The following PRKCSH variants were observed in gnomAD, a reference collection of about 807,000 sequenced individuals.
PRKCSH encodes the protein glucosidase 2 subunit beta.
A neutral mutation model predicts 79.7 loss-of-function variants in PRKCSH; 42 were observed. The ratio of observed to expected loss-of-function variants is 0.53; its 90% confidence interval spans 0.41 to 0.68. The LOEUF is 0.68. Ranked by LOEUF, PRKCSH falls within the 30% of genes least tolerant of loss-of-function variation. PRKCSH has a pLI of 0.00. For missense variants in PRKCSH, 686 were observed against 709.0 expected (o/e 0.97, Z 0.37); for synonymous variants, 325 against 288.2 (o/e 1.13, Z -1.29).
Position 11,436,416 on chromosome 19 carries a change from C to T in PRKCSH, c.107C>T (p.Pro36Leu), listed in dbSNP as rs144501546. The change falls in exon 3 of 18, where the codon CCT (proline) becomes CTT (leucine). Residue 36 changes from proline to leucine, a missense_variant. Pro to Leu is a moderately conservative substitution (Grantham distance 98). Around this residue, in one of 2 missense-constraint regions of PRKCSH, gnomAD observed 549 missense variants for 520.2 expected, o/e 1.06. Coordinates refer to ENST00000677123, the MANE Select transcript of PRKCSH (RefSeq NM_001289104.2). ...TNHHFYDESK[P>L]FTCLDGSATI... ...CATCACTTCTACGATGAGTCCAAGC[C>T]TTTCACCTGCCTGGACGGTTCGGCC... 18 of 1,614,094 alleles carry T rather than the reference C, an allele frequency of 1.1e-5. No individual in the cohort carries two copies. Among genetic ancestry groups the T allele is most frequent in the African/African-American group, 1.1e-4 (8 of 74,936 alleles).
intron 7 of PRKCSH, among the ~76,000 whole-genome samples, chr19:11,445,019 C>A (rs1056296539): frequency 6.6e-6 from 1 of 152,192 alleles, no homozygotes; most frequent in African/African-American, 2.4e-5. Context: ...CAGCCTGGGC[C>A]AGCCCTTGTT....
At chr19:11,439,365 G>T (rs567098437) in intron 5 of PRKCSH, among the ~76,000 whole-genome samples, 1 of 151,554 alleles carries the variant, frequency 6.6e-6, no homozygotes, top group South Asian at 2.1e-4. Context: ...GAGCCCAGGA[G>T]TTTGAGACCA....
intron 9 of PRKCSH, 82 bp downstream of exon 9, chr19:11,446,432 G>A: frequency 6.7e-7 from 1 of 1,488,244 alleles, no homozygotes; most frequent in South Asian, 1.2e-5. Flanking sequence ...GGGGACCAAG[G>A]AAAGCTCCTT....
At position 11,447,910 on chromosome 19, in the gene PRKCSH, T is replaced by G; in HGVS notation, c.1126+121T>G. The G allele has an allele frequency of 8.3e-7, 1 of 1,204,636 alleles. No homozygotes were observed. Among genetic ancestry groups the G allele is most frequent in the Non-Finnish European group, 1.1e-6 (1 of 876,270 alleles). The allele number at this position is 1,204,636 out of a possible 1,614,324, so 74.6% of individuals were successfully genotyped here. A position where few individuals can be genotyped will look rare whatever the true frequency, so the allele number is the denominator to read the frequency against. ...CTGACTCGGCCAGCACAAGCCCCAG[T>G]ATCTTGGGGAGTCCAGGAAGGGGGC... On this transcript the variant is annotated intron_variant, in intron 12 of 17. Coordinates refer to ENST00000677123, the MANE Select transcript of PRKCSH (RefSeq NM_001289104.2). The surrounding 1 kb of genome is among the most constrained non-coding windows in gnomAD (Gnocchi z 5.6).
rs1028588709 is a variant in PRKCSH, at chr19:11,448,846, G to C, written c.1287-68G>C. 1.5e-5 allele frequency: 24 copies of C among 1,570,532 alleles called. No homozygotes were observed. The highest frequency in any genetic ancestry group is 1.9e-5 in the Non-Finnish European group (22 of 1,141,278). On this transcript the variant is annotated intron_variant, in intron 14 of 17. Coordinates refer to ENST00000677123, the MANE Select transcript of PRKCSH (RefSeq NM_001289104.2). This position sits in a 1 kb window ranked among gnomAD's most constrained non-coding sequence, Gnocchi z 4.4. ...GTGTGTGGGGACTGGAGGAGGCGGT[G>C]GGGGGTGGCTGTGGGAGGAGGCTGG...
chr19:11,435,842 C>T, intron 1 of PRKCSH, 136 bp downstream of exon 1: 1 of 1,241,040 alleles, frequency 8.1e-7, no homozygotes, highest in Non-Finnish European at 1.1e-6. Flanking sequence ...CAATTGGGCA[C>T]AGGGAGCGGA....
chr19:11,438,860 T>A (rs939038259), intron 5 of PRKCSH, among the ~76,000 whole-genome samples: 2 of 152,054 alleles, frequency 1.3e-5, no homozygotes, highest in African/African-American at 4.8e-5. Context: ...TGTTCTCAAT[T>A]CCTGCCAGCT....
At chr19:11,437,840 T>C in intron 3 of PRKCSH, 36 bp from the exon 4 acceptor site, 1 of 1,578,900 alleles carries the variant, frequency 6.3e-7, no homozygotes, top group Admixed American at 1.7e-5. Flanking sequence ...GTCCCTGAGC[T>C]GACTCCGAAA....
rs375495109 is a variant in PRKCSH at position 11,448,311 on chromosome 19, G to A, written c.1196+20G>A. 110 of 1,566,852 alleles carry A rather than the reference G, an allele frequency of 7.0e-5. 1 individual carries two copies. Among genetic ancestry groups the A allele is most frequent in the South Asian group, 6.6e-4 (56 of 85,386 alleles). On this transcript the variant is annotated intron_variant, in intron 13 of 17. Coordinates refer to ENST00000677123, the MANE Select transcript of PRKCSH (RefSeq NM_001289104.2). The surrounding 1 kb of genome is among the most constrained non-coding windows in gnomAD (Gnocchi z 4.4). ...CATCAGGTAGCGGGGGCTGAGGAGC[G>A]GGGACACCTGTCCCACAGCGACTGC...
chr19:11,442,036 T>C (rs751233175), intron 6 of PRKCSH, among the ~76,000 whole-genome samples: 16 of 152,120 alleles, frequency 1.1e-4, no homozygotes, highest in African/African-American at 2.2e-4. Flanking sequence ...GTTAGCCAGG[T>C]AGAGTGTTCC....
At chr19:11,441,953 G>C (rs887794398) in intron 6 of PRKCSH, among the ~76,000 whole-genome samples, 1 of 152,192 alleles carries the variant, frequency 6.6e-6, no homozygotes, top group African/African-American at 2.4e-5. Flanking sequence ...CTCTGCCTTG[G>C]GGGCAGGAGG....
At chr19:11,446,992 G>T (rs1182533205) in intron 9 of PRKCSH, 82 bp from the exon 10 acceptor site, 7 of 1,463,108 alleles carry the variant, frequency 4.8e-6, no homozygotes, top group African/African-American at 2.8e-5. Context: ...CCCGTGCCTG[G>T]CACCGCAGCC....
chr19:11,449,844 C>CT lies in PRKCSH; in HGVS notation c.*16+427dup, dbSNP rs992377428. The CT allele has an allele frequency of 0.014, 2,664 of 189,182 alleles. No homozygotes were observed. Among genetic ancestry groups the CT allele is most frequent in the South Asian group, 0.033 (397 of 12,016 alleles). 11.7% of individuals were successfully genotyped at this position (189,182 alleles called of 1,614,324 possible). The stretch of plus-strand genomic sequence containing the variant: ...GCCACCACACCCGGCCATCTCCTGC[C>CT]TTTTTTTTTTTGGATGGAGTTTCAC... On this transcript the variant is annotated intron_variant, in intron 17 of 17. Coordinates refer to ENST00000677123, the MANE Select transcript of PRKCSH (RefSeq NM_001289104.2). This position sits in a 1 kb window ranked among gnomAD's most constrained non-coding sequence, Gnocchi z 6.4.
At position 11,448,473 on chromosome 19, in the gene PRKCSH, G is replaced by A. The variant is rs1443501010; in HGVS notation, c.1197-67G>A. 6.6e-7 allele frequency: 1 copy of A among 1,511,070 alleles called. No homozygotes were observed. Among genetic ancestry groups the A allele is most frequent in the Non-Finnish European group, 9.2e-7 (1 of 1,086,802 alleles). The allele number at this position is 1,511,070 out of a possible 1,614,324, so 93.6% of individuals were successfully genotyped here. A position where few individuals can be genotyped will look rare whatever the true frequency, so the allele number is the denominator to read the frequency against. On this transcript the variant is annotated intron_variant, in intron 13 of 17. Coordinates refer to ENST00000677123, the MANE Select transcript of PRKCSH (RefSeq NM_001289104.2). This position sits in a 1 kb window ranked among gnomAD's most constrained non-coding sequence, Gnocchi z 4.4. Reference sequence around the variant, plus strand: ...CCATTGCTCAGCCAGACCCTCCTGTGTCTGTCGTCCTGGGTCAGGCACTGG... The same window carrying A: ...CCATTGCTCAGCCAGACCCTCCTGTATCTGTCGTCCTGGGTCAGGCACTGG...
chr19:11,435,926 C>T (rs1414801302), intron 1 of PRKCSH, 115 bp from the exon 2 acceptor site: 2 of 929,704 alleles, frequency 2.2e-6, no homozygotes, highest in East Asian at 2.6e-5. Context: ...AGATCGCTGC[C>T]CCTCGCCCCC....
At chr19:11,442,298 G>T (rs1459912990) in intron 6 of PRKCSH, 88 bp from the exon 7 acceptor site, 1 of 1,490,742 alleles carries the variant, frequency 6.7e-7, no homozygotes, top group Non-Finnish European at 9.1e-7. Flanking sequence ...TCTCCCTGCT[G>T]CCCTGTGGAG....
chr19:11,446,668 A>G (rs1970319561), intron 9 of PRKCSH, among the ~76,000 whole-genome samples: 1 of 125,594 alleles, frequency 8.0e-6, no homozygotes, highest in Admixed American at 1.1e-4. Flanking sequence ...CTCCTTTCCT[A>G]TCCTCCTCCT....
chr19:11,437,231 G>A (rs376141312), intron 3 of PRKCSH, among the ~76,000 whole-genome samples: 118 of 150,450 alleles, frequency 7.8e-4, no homozygotes, highest in African/African-American at 2.6e-3. Context: ...GTAGATACAG[G>A]GTTTCACTGT....
chr19:11,444,035 G>A (rs1970185520), intron 7 of PRKCSH, among the ~76,000 whole-genome samples: 1 of 152,162 alleles, frequency 6.6e-6, no homozygotes, highest in Non-Finnish European at 1.5e-5. Flanking sequence ...GCCTCCCAAC[G>A]TGTTGGGATT....
Sources: gnomAD v4.1 joint callset for allele counts (sites outside exome capture counted in the v4.1 genomes callset) on GRCh38, gnomAD v4.1.1 for gene constraint, gnomAD v4.1.1 regional missense constraint, Gnocchi (gnomAD v3.1) non-coding constraint, MANE v1.5 for transcripts, NCBI Gene and HGNC (gene_info 2026-07-23, HGNC 2026-07-21) for gene names.